The following CMIP variants were observed in gnomAD, a reference collection of about 807,000 sequenced individuals.
CMIP encodes C-Maf-inducing protein.
Under a neutral mutation model 97.3 loss-of-function variants are expected in CMIP, and 13 were observed. The observed-to-expected ratio is 0.13, with a 90% confidence interval of 0.09 to 0.21. The LOEUF (loss-of-function observed/expected upper bound fraction) is 0.21, where lower values mean the gene tolerates loss of function less well. Among genes scored for constraint, CMIP ranks in the 10% least tolerant of loss-of-function variants. The pLI is 1.00. For missense variants in CMIP, 847 were observed against 1,024.9 expected (o/e 0.83, Z 2.37); for synonymous variants, 538 against 436.3 (o/e 1.23, Z -2.91).
chr16:81,448,103 G>C (rs557261463), intron 1 of CMIP, among the ~76,000 whole-genome samples: 88 of 152,326 alleles, frequency 5.8e-4, no homozygotes, highest in African/African-American at 2.0e-3. Flanking sequence ...CTGTGGCTTC[G>C]CAGCAGCCGC....
chr16:81,636,083 G>A (rs1365220002), intron 3 of CMIP, among the ~76,000 whole-genome samples: 3 of 151,894 alleles, frequency 2.0e-5, no homozygotes, highest in African/African-American at 4.9e-5. Flanking sequence ...GTGTTTGTGT[G>A]TGTGAGTGTG....
intron 1 of CMIP, among the ~76,000 whole-genome samples, chr16:81,602,908 C>G (rs926454877): frequency 2.0e-5 from 3 of 152,146 alleles, no homozygotes; most frequent in Non-Finnish European, 2.9e-5. Flanking sequence ...ATAATCCCAG[C>G]GATAGGAAAG....
chr16:81,593,132 G>A (rs759227937), intron 1 of CMIP, among the ~76,000 whole-genome samples: 19 of 152,178 alleles, frequency 1.2e-4, no homozygotes, highest in Non-Finnish European at 2.4e-4. Context: ...TGCCATAGCT[G>A]GTTTCGTGAT....
intron 1 of CMIP, among the ~76,000 whole-genome samples, chr16:81,478,500 G>A (rs1383112032): frequency 1.3e-5 from 2 of 152,176 alleles, no homozygotes; most frequent in African/African-American, 2.4e-5. Context: ...GGAGGCCACC[G>A]AGTGCGTTCT....
At position 81,470,518 on chromosome 16, in the gene CMIP, G is replaced by T. The variant is rs1308339789; in HGVS notation, c.300+24977G>T. On this transcript the variant is annotated intron_variant, in intron 1 of 20. Transcript: ENST00000537098. ...GGAGAAAGTGCTAAAAATAAGGCTGGATCTGAGCAGGCGCTGCTGACAGGC... is the reference window on the plus strand; with the variant it reads ...GGAGAAAGTGCTAAAAATAAGGCTGTATCTGAGCAGGCGCTGCTGACAGGC... Among the ~76,000 whole-genome samples, 2 of 152,364 alleles carry T rather than the reference G, an allele frequency of 1.3e-5. 1 individual carries two copies.
intron 1 of CMIP, among the ~76,000 whole-genome samples, chr16:81,451,202 G>A (rs904042676): frequency 2.6e-5 from 4 of 152,144 alleles, no homozygotes; most frequent in Admixed American, 6.5e-5. Flanking sequence ...GGAGATAATT[G>A]ACTCATGGGG....
chr16:81,501,827 G>C (rs2089618935), intron 1 of CMIP, among the ~76,000 whole-genome samples: 1 of 152,064 alleles, frequency 6.6e-6, no homozygotes, highest in African/African-American at 2.4e-5. Flanking sequence ...GGCCAAGCTG[G>C]TCTCGAACTC....
rs189229938 is a variant in CMIP at position 81,555,329 on chromosome 16, C to T, written c.301-52238C>T. 6.9e-4 allele frequency among the ~76,000 whole-genome samples: 105 copies of T among 152,278 alleles called. 1 individual carries two copies. The highest frequency in any genetic ancestry group is 2.5e-3 in the African/African-American group (102 of 41,554). ...ATAGCTCTGGGGAAATCAAGAACCCCCCCTAGACTGTGGGAGTCCCCAAGT... is the reference window on the plus strand; with the variant it reads ...ATAGCTCTGGGGAAATCAAGAACCCTCCCTAGACTGTGGGAGTCCCCAAGT... On this transcript the variant is annotated intron_variant, in intron 1 of 20. Transcript: ENST00000537098.
chr16:81,449,655 TAAACACACAGA>T (rs1906085159), intron 1 of CMIP, among the ~76,000 whole-genome samples: 5 of 137,180 alleles, frequency 3.6e-5, no homozygotes, highest in African/African-American at 1.5e-4. Flanking sequence ...TTTGTGGCAG[TAAACACACAGA>T]TTTCCCCCCC....
intron 1 of CMIP, among the ~76,000 whole-genome samples, chr16:81,447,284 G>T (rs1905917032): frequency 6.6e-6 from 1 of 151,448 alleles, no homozygotes; most frequent in African/African-American, 2.4e-5. Context: ...AGGGTTGTTG[G>T]TGGTGGGGTA....
intron 10 of CMIP, among the ~76,000 whole-genome samples, chr16:81,690,889 G>C (rs1905984352): frequency 6.6e-6 from 1 of 152,204 alleles, no homozygotes; most frequent in African/African-American, 2.4e-5. Flanking sequence ...TCGTGCCATT[G>C]CACTCCAGCC....
chr16:81,625,001 G>C (rs1463238982), intron 3 of CMIP, among the ~76,000 whole-genome samples: 1 of 152,202 alleles, frequency 6.6e-6, no homozygotes, highest in Non-Finnish European at 1.5e-5. Context: ...CACTGAATAG[G>C]TTCTGTTCTT....
chr16:81,501,646 C>G (rs1398497137), intron 1 of CMIP, among the ~76,000 whole-genome samples: 1 of 148,048 alleles, frequency 6.8e-6, no homozygotes, highest in East Asian at 2.0e-4. Flanking sequence ...GTGTCTCGCT[C>G]TGTCGCCCAG....
intron 1 of CMIP, among the ~76,000 whole-genome samples, chr16:81,488,454 G>A (rs938222314): frequency 3.9e-5 from 6 of 152,186 alleles, no homozygotes; most frequent in African/African-American, 1.4e-4. Flanking sequence ...CCCGATGCAC[G>A]GAGGGAGTGT....
chr16:81,670,817 TC>T, intron 8 of CMIP, among the ~76,000 whole-genome samples: 1 of 152,056 alleles, frequency 6.6e-6, no homozygotes, highest in Non-Finnish European at 1.5e-5. Flanking sequence ...TTCTTGTTCT[TC>T]TCATCTCTTT....
intron 3 of CMIP, among the ~76,000 whole-genome samples, chr16:81,650,998 A>G (rs568442761): frequency 6.4e-4 from 98 of 152,090 alleles, no homozygotes; most frequent in Non-Finnish European, 1.2e-3. Flanking sequence ...GATAATTCCT[A>G]GCTCAGAAAC....
intron 3 of CMIP, among the ~76,000 whole-genome samples, chr16:81,626,560 G>T (rs180827014): frequency 2.7e-5 from 4 of 146,604 alleles, no homozygotes; most frequent in African/African-American, 1.0e-4. Flanking sequence ...TGTGTGTGTG[G>T]TGTGTGGGTG....
intron 3 of CMIP, among the ~76,000 whole-genome samples, chr16:81,649,502 T>A (rs1193961772): frequency 6.6e-6 from 1 of 152,272 alleles, no homozygotes; most frequent in Admixed American, 6.5e-5. Context: ...CAGGGCTGGT[T>A]GTATTTTGCA....
chr16:81,562,288 C>A (rs749497855), intron 1 of CMIP, among the ~76,000 whole-genome samples: 1 of 152,232 alleles, frequency 6.6e-6, no homozygotes, highest in Admixed American at 6.5e-5. Context: ...GAGGTCCATG[C>A]CTGCCCAGGC....
Sources: gnomAD v4.1 joint callset for allele counts (sites outside exome capture counted in the v4.1 genomes callset) on GRCh38, gnomAD v4.1.1 for gene constraint, MANE v1.5 for transcripts, NCBI Gene and HGNC (gene_info 2026-07-23, HGNC 2026-07-21) for gene names.